The following MGLL variants were observed in gnomAD, a reference collection of about 807,000 sequenced individuals.
MGLL encodes monoglyceride lipase, also known as lysophospholipase homolog.
In MGLL, 7 loss-of-function variants were observed where a neutral mutation model predicts 29.1. The observed-to-expected ratio is 0.24, with a 90% confidence interval of 0.14 to 0.45. MGLL has a LOEUF of 0.45. MGLL is among the 20% of genes least tolerant of loss of function. MGLL has a pLI of 0.99. For missense variants in MGLL, 356 were observed against 413.6 expected, an observed-to-expected ratio of 0.86 and a Z score of 1.21; for synonymous variants, 148 against 168.3, an observed-to-expected ratio of 0.88 and a Z score of 0.93.
chr3:127,785,211 T>A (rs371416232), intron 2 of MGLL, among the ~76,000 whole-genome samples: 90 of 152,130 alleles, frequency 5.9e-4, no homozygotes, highest in African/African-American at 1.9e-3. Flanking sequence ...CCCACACACC[T>A]GCTGCAGGTG....
At chr3:127,710,544 A>G in intron 6 of MGLL, 32 bp downstream of exon 6, 1 of 1,507,332 alleles carries the variant, frequency 6.6e-7, no homozygotes, top group East Asian at 2.5e-5. Context: ...CAGCCACCCA[A>G]GCTACCCCTG....
At chr3:127,715,888 T>C (rs1296412416) in intron 5 of MGLL, 1 of 451,596 alleles carries the variant, frequency 2.2e-6, no homozygotes, top group Non-Finnish European at 4.5e-6. Context: ...TTTAACATTC[T>C]TGATGCCTTT....
chr3:127,767,001 G>T (rs2076869048), intron 3 of MGLL, among the ~76,000 whole-genome samples: 1 of 152,108 alleles, frequency 6.6e-6, no homozygotes, highest in Non-Finnish European at 1.5e-5. Context: ...AACCTGGGAG[G>T]CAGAGATTGC....
At position 127,769,842 on chromosome 3, in the gene MGLL, G is replaced by A. The variant is rs949165084; in HGVS notation, c.262+11947C>T. On this transcript the variant is annotated intron_variant, in intron 3 of 7. Transcript: ENST00000265052. Reference sequence around the variant, plus strand: ...CACAACACCCCACCCCCGAAGCCCCGTCAGAGTGCTGGGGGGTCTGTCCTG... The same window carrying A: ...CACAACACCCCACCCCCGAAGCCCCATCAGAGTGCTGGGGGGTCTGTCCTG... Among the ~76,000 whole-genome samples the A allele has an allele frequency of 4.6e-5, 7 of 152,240 alleles. No homozygotes were observed. The East Asian group carries it at 5.8e-4, about 13-fold the overall frequency.
intron 2 of MGLL, among the ~76,000 whole-genome samples, chr3:127,790,169 T>G (rs555323121): frequency 2.0e-5 from 3 of 152,264 alleles, no homozygotes; most frequent in African/African-American, 7.2e-5. Context: ...ACTCAATCAC[T>G]CTATGTCTCA....
At chr3:127,803,368 G>T (rs537879657) in intron 2 of MGLL, among the ~76,000 whole-genome samples, 3 of 152,248 alleles carry the variant, frequency 2.0e-5, no homozygotes, top group East Asian at 3.9e-4. Flanking sequence ...CCGCCTGAAG[G>T]AACAAGCAGT....
chr3:127,701,961 C>T (rs149731962), intron 6 of MGLL, among the ~76,000 whole-genome samples: 75 of 152,330 alleles, frequency 4.9e-4, no homozygotes, highest in African/African-American at 1.6e-3. Flanking sequence ...GTATCTTCAC[C>T]AGCACCTCCT....
At chr3:127,735,287 A>G (rs2076223732) in intron 3 of MGLL, among the ~76,000 whole-genome samples, 1 of 152,222 alleles carries the variant, frequency 6.6e-6, no homozygotes, top group African/African-American at 2.4e-5. Flanking sequence ...ACAACTCAGC[A>G]ATTCCACACC....
At chr3:127,744,536 C>A (rs955125752) in intron 3 of MGLL, among the ~76,000 whole-genome samples, 1 of 152,210 alleles carries the variant, frequency 6.6e-6, no homozygotes, top group Admixed American at 6.5e-5. Context: ...TCTCTCAGAG[C>A]TCTATGATGA....
chr3:127,750,476 T>C (rs529912712), intron 3 of MGLL, among the ~76,000 whole-genome samples: 1 of 151,982 alleles, frequency 6.6e-6, no homozygotes, highest in African/African-American at 2.4e-5. Flanking sequence ...CAGAGGGTAG[T>C]GCAAAAACGA....
chr3:127,762,404 A>C (rs558869555), intron 3 of MGLL, among the ~76,000 whole-genome samples: 1 of 151,700 alleles, frequency 6.6e-6, no homozygotes, highest in African/African-American at 2.4e-5. Context: ...TCCCACCCCC[A>C]GCCTTTCTTA....
chr3:127,782,795 C>T (rs1376513359), intron 2 of MGLL, among the ~76,000 whole-genome samples: 1 of 152,154 alleles, frequency 6.6e-6, no homozygotes, highest in Non-Finnish European at 1.5e-5. Context: ...TGAGCATTTA[C>T]TATGCACCCG....
At chr3:127,797,902 C>T (rs770464435) in intron 2 of MGLL, among the ~76,000 whole-genome samples, 8 of 152,168 alleles carry the variant, frequency 5.3e-5, no homozygotes, top group Non-Finnish European at 1.2e-4. Context: ...GCCCACCATA[C>T]CTGGCCCACC....
intron 2 of MGLL, among the ~76,000 whole-genome samples, chr3:127,798,041 A>G (rs1458517898): frequency 6.6e-6 from 1 of 152,244 alleles, no homozygotes; most frequent in Admixed American, 6.5e-5. Context: ...TGTGAAACAG[A>G]TATATGTATT....
intron 3 of MGLL, chr3:127,735,636 AG>A: frequency 6.9e-7 from 1 of 1,453,178 alleles, no homozygotes; most frequent in Non-Finnish European, 9.3e-7. Context: ...CCAAGATTGT[AG>A]TTACCTCCAG....
chr3:127,699,427 G>A (rs375440685), intron 6 of MGLL, among the ~76,000 whole-genome samples: 3 of 152,106 alleles, frequency 2.0e-5, no homozygotes, highest in Admixed American at 6.5e-5. Flanking sequence ...TAACTAATGC[G>A]TGGAGCCCTT....
chr3:127,738,989 A>G (rs1194308009), intron 3 of MGLL, among the ~76,000 whole-genome samples: 3 of 152,240 alleles, frequency 2.0e-5, no homozygotes, highest in Non-Finnish European at 4.4e-5. Flanking sequence ...AATTTCTAGT[A>G]GGCAGCATTG....
At position 127,746,150 on chromosome 3, in the gene MGLL, T is replaced by A. The variant is rs1394710931; in HGVS notation, c.263-23584A>T. On this transcript the variant is annotated intron_variant, in intron 3 of 7. Coordinates refer to ENST00000265052, the MANE Select transcript of MGLL (RefSeq NM_007283.7). ...GGGAAGAGGAGCCTGTGAGAACGCCTGGGATGGTGAGGATGGAGCTGAGGC... is the reference window on the plus strand; with the variant it reads ...GGGAAGAGGAGCCTGTGAGAACGCCAGGGATGGTGAGGATGGAGCTGAGGC... 2.0e-5 allele frequency among the ~76,000 whole-genome samples: 3 copies of A among 152,018 alleles called. No individual in the cohort carries two copies. In the East Asian group the frequency reaches 5.8e-4, roughly 29 times the overall value.
chr3:127,818,693 T>C (rs1305180846), intron 2 of MGLL, among the ~76,000 whole-genome samples: 1 of 152,212 alleles, frequency 6.6e-6, no homozygotes, highest in Non-Finnish European at 1.5e-5. Context: ...ATTTGGTCCA[T>C]GTCAGAAGAT....
Sources: gnomAD v4.1 joint callset for allele counts (sites outside exome capture counted in the v4.1 genomes callset) on GRCh38, gnomAD v4.1.1 for gene constraint, MANE v1.5 for transcripts, NCBI Gene and HGNC (gene_info 2026-07-23, HGNC 2026-07-21) for gene names.